SLC35F3: variants seen among roughly 807,000 people sequenced by gnomAD.
SLC35F3 encodes solute carrier family 35 member F3.
SLC35F3 carries 25 observed loss-of-function variants against 49.9 expected under a neutral mutation model. That is an observed-to-expected ratio of 0.50 (90% CI 0.37 to 0.70). The LOEUF is 0.70. Ranked by LOEUF, SLC35F3 falls within the 30% of genes least tolerant of loss-of-function variation. The probability of loss-of-function intolerance (pLI) is 0.00; values close to 1 mark genes in which losing one functional copy is unlikely to be tolerated. For missense variants in SLC35F3, 525 were observed against 639.8 expected (o/e 0.82, Z 1.94); for synonymous variants, 275 against 265.4 (o/e 1.04, Z -0.35).
chr1:233,912,276 A>G (rs779004667), intron 2 of SLC35F3, among the ~76,000 whole-genome samples: 15 of 152,132 alleles, frequency 9.9e-5, no homozygotes, highest in Non-Finnish European at 1.5e-4. Context: ...TCAGGAGTTC[A>G]ATACCAGCCT....
In SLC35F3 at chr1:233,975,003, C is replaced by A. The variant is rs556097236; in HGVS notation, c.283+69245C>A. Among the ~76,000 whole-genome samples the A allele has an allele frequency of 2.6e-5, 4 of 152,296 alleles. No individual in the cohort carries two copies. In the South Asian group the frequency reaches 8.3e-4, roughly 32 times the overall value. On this transcript the variant is annotated intron_variant, in intron 2 of 7. Transcript: ENST00000366618. ...ATAAGCTATGTAGTTCAGGGACACC[C>A]CTGGGCATGGAAGGTGAGCGAGGCT...
chr1:234,266,268 GC>G, intron 3 of SLC35F3, among the ~76,000 whole-genome samples: 1 of 152,122 alleles, frequency 6.6e-6, no homozygotes, highest in African/African-American at 2.4e-5. Flanking sequence ...TAGAAAATGG[GC>G]AAAAGATTTT....
chr1:234,002,548 A>G lies in SLC35F3; in HGVS notation c.283+96790A>G, dbSNP rs542665783. Among the ~76,000 whole-genome samples, 4 of 152,302 alleles carry G rather than the reference A, an allele frequency of 2.6e-5. No homozygotes were observed. The South Asian group carries it at 8.3e-4, about 32-fold the overall frequency. On this transcript the variant is annotated intron_variant, in intron 2 of 7. Coordinates refer to ENST00000366618, the MANE Select transcript of SLC35F3 (RefSeq NM_173508.4). Reference sequence around the variant, plus strand: ...GTTAGGGTTTGGGGAGAAAGACCTCAAAGGCCACGTTTATGATGTTGTGTC... The same window carrying G: ...GTTAGGGTTTGGGGAGAAAGACCTCGAAGGCCACGTTTATGATGTTGTGTC...
At chr1:234,019,557 T>C (rs10910327) in intron 2 of SLC35F3, among the ~76,000 whole-genome samples, 2,511 of 152,262 alleles carry the variant, frequency 0.016, 101 homozygotes, top group East Asian at 0.15. Context: ...GGGGTTTTTT[T>C]CCTCAAGGCC....
At chr1:233,950,583 ACCTCCTTCCTCTTTCCCTCCTC>A (rs1321270225) in intron 2 of SLC35F3, among the ~76,000 whole-genome samples, 1 of 123,848 alleles carries the variant, frequency 8.1e-6, no homozygotes, top group African/African-American at 3.2e-5. Context: ...TTTCCTTCGT[ACCTCCTTCCTCTTTCCCTCCTC>A]CCTCCATCCC....
intron 2 of SLC35F3, among the ~76,000 whole-genome samples, chr1:234,033,935 T>A (rs1558210878): frequency 6.6e-6 from 1 of 152,212 alleles, no homozygotes; most frequent in African/African-American, 2.4e-5. Flanking sequence ...AATATGTAGA[T>A]TGCTTCTGGC....
At chr1:234,252,651 G>A (rs1483328794) in intron 3 of SLC35F3, among the ~76,000 whole-genome samples, 1 of 152,162 alleles carries the variant, frequency 6.6e-6, no homozygotes, top group Non-Finnish European at 1.5e-5. Flanking sequence ...CGAGAGAAAT[G>A]TGAATTAAAA....
chr1:234,141,429 A>G (rs1352135408), intron 2 of SLC35F3, among the ~76,000 whole-genome samples: 1 of 152,144 alleles, frequency 6.6e-6, no homozygotes, highest in Non-Finnish European at 1.5e-5. Context: ...AAAGTTTCAC[A>G]TATTTCGTAC....
At position 234,231,827 on chromosome 1, in the gene SLC35F3, C is replaced by G; in HGVS notation, c.608+86C>G. 1 of 1,330,038 alleles carries G rather than the reference C, an allele frequency of 7.5e-7. No individual in the cohort carries two copies. Among genetic ancestry groups the G allele is most frequent in the Non-Finnish European group, 1.0e-6 (1 of 958,708 alleles). The allele number at this position is 1,330,038 out of a possible 1,614,324, so 82.4% of individuals were successfully genotyped here. ...CTGCAGAGCTGCCCCTGGTGGCAGG[C>G]GCTGGGATGAGCCGGTGGGAGCCCG... On this transcript the variant is annotated intron_variant, in intron 3 of 7. Coordinates refer to ENST00000366618, the MANE Select transcript of SLC35F3 (RefSeq NM_173508.4). This position sits in a 1 kb window ranked among gnomAD's most constrained non-coding sequence, Gnocchi z 5.4.
At chr1:234,145,076 G>A (rs115720075) in intron 2 of SLC35F3, among the ~76,000 whole-genome samples, 6 of 152,264 alleles carry the variant, frequency 3.9e-5, no homozygotes, top group Non-Finnish European at 8.8e-5. Context: ...ATTAAACAGC[G>A]CAAGGCTCAG....
chr1:234,008,463 C>T (rs1316780089), intron 2 of SLC35F3, among the ~76,000 whole-genome samples: 2 of 152,150 alleles, frequency 1.3e-5, no homozygotes, highest in African/African-American at 4.8e-5. Context: ...TTCATTCTTT[C>T]ATCCTTTTCT....
intron 2 of SLC35F3, among the ~76,000 whole-genome samples, chr1:234,174,625 C>T (rs986466513): frequency 8.5e-5 from 13 of 152,164 alleles, no homozygotes; most frequent in Admixed American, 7.9e-4. Flanking sequence ...CACTCCACTG[C>T]GTGTATATGT....
At chr1:234,063,321 T>C (rs1664571789) in intron 2 of SLC35F3, among the ~76,000 whole-genome samples, 2 of 152,338 alleles carry the variant, frequency 1.3e-5, no homozygotes, top group South Asian at 4.1e-4. Context: ...CTAAGCTATA[T>C]GTCTATGTGT....
chr1:234,312,221 A>G (rs147451059), intron 4 of SLC35F3, among the ~76,000 whole-genome samples: 62 of 152,242 alleles, frequency 4.1e-4, no homozygotes, highest in Admixed American at 7.9e-4. Flanking sequence ...GTCAAGGGAA[A>G]TGGGAGGTGA....
intron 2 of SLC35F3, among the ~76,000 whole-genome samples, chr1:234,126,702 C>A (rs1665653756): frequency 6.8e-6 from 1 of 147,524 alleles, no homozygotes. Context: ...TTTCTTTCTT[C>A]TTTTTTGATA....
In SLC35F3 at chr1:234,268,141, C is replaced by A. The variant is rs1265924607; in HGVS notation, c.608+36400C>A. On this transcript the variant is annotated intron_variant, in intron 3 of 7. Coordinates refer to ENST00000366618, the MANE Select transcript of SLC35F3 (RefSeq NM_173508.4). ...GAGGTTGTAGCGAGCCGAGATCACG[C>A]CACTGCACTCCAGCCTGGGCAACAT... Among the ~76,000 whole-genome samples the A allele has an allele frequency of 5.9e-5, 9 of 152,202 alleles. No homozygotes were observed. The South Asian group carries it at 1.9e-3, about 32-fold the overall frequency.
At chr1:234,244,353 G>C (rs926445504) in intron 3 of SLC35F3, among the ~76,000 whole-genome samples, 2 of 152,160 alleles carry the variant, frequency 1.3e-5, no homozygotes, top group African/African-American at 4.8e-5. Flanking sequence ...CACAGTGCCC[G>C]GTGGGGTGCT....
At position 234,214,080 on chromosome 1, in the gene SLC35F3, G is replaced by T; in HGVS notation, c.284-17337G>T. ...GTCCTTTTAAAGGGCTTCTCAGAGA[G>T]GTGGTGGCCAGAGGCTGCAGTCAGG... is the stretch of plus-strand genomic sequence containing the variant. On this transcript the variant is annotated intron_variant, in intron 2 of 7. Transcript: ENST00000366618. This position sits in a 1 kb window ranked among gnomAD's most constrained non-coding sequence, Gnocchi z 8.0. 1 of 688,804 alleles carries T rather than the reference G, an allele frequency of 1.5e-6. No homozygotes were observed. The highest frequency in any genetic ancestry group is 6.1e-5 in the Admixed American group (1 of 16,396). 42.7% of individuals were successfully genotyped at this position (688,804 alleles called of 1,614,324 possible).
chr1:234,105,207 C>T lies in SLC35F3; in HGVS notation c.284-126210C>T, dbSNP rs1474902415. Among the ~76,000 whole-genome samples the T allele has an allele frequency of 5.9e-5, 9 of 151,898 alleles. 1 individual carries two copies. The highest frequency in any genetic ancestry group is 2.6e-4 in the Admixed American group (4 of 15,260). On this transcript the variant is annotated intron_variant, in intron 2 of 7. Coordinates refer to ENST00000366618, the MANE Select transcript of SLC35F3 (RefSeq NM_173508.4). ...TTGAGAGATTGTGCTTCAGTTCCCA[C>T]GAAAAGGAATATTCTCCAATTCTCT...
Sources: allele counts gnomAD v4.1 joint callset (sites outside exome capture counted in the v4.1 genomes callset), GRCh38; gene constraint gnomAD v4.1.1; non-coding constraint Gnocchi (gnomAD v3.1); transcripts MANE v1.5; gene names NCBI Gene and HGNC (gene_info 2026-07-23, HGNC 2026-07-21).